SYNE2: variants seen among roughly 807,000 people sequenced by gnomAD.
The protein encoded by SYNE2 is nesprin-2.
In SYNE2, 431 loss-of-function variants were observed where a neutral mutation model predicts 856.3. That is an observed-to-expected ratio of 0.50 (90% CI 0.47 to 0.55). The LOEUF is 0.55. Ranked by LOEUF, SYNE2 falls within the 20% of genes least tolerant of loss-of-function variation. The pLI, the probability that SYNE2 is intolerant of heterozygous loss-of-function variation, is 0.00. For missense variants in SYNE2, 8,129 were observed against 8,023.2 expected (o/e 1.01, Z -0.50); for synonymous variants, 2,923 against 2,872.3 (o/e 1.02, Z -0.56).
chr14:64,080,418 C>T, intron 55 of SYNE2, 38 bp from the exon 56 acceptor site: 1 of 1,606,394 alleles, frequency 6.2e-7, no homozygotes, highest in Non-Finnish European at 8.5e-7. Context: ...TAAACTATGA[C>T]CTCTTCATTC....
At chr14:64,084,777 A>G in intron 57 of SYNE2, 1 of 552,044 alleles carries the variant, frequency 1.8e-6, no homozygotes. Context: ...TCTGTGGGTC[A>G]GGAGTCCATG....
At chr14:63,838,225 T>G (rs1488769973) in intron 1 of SYNE2, among the ~76,000 whole-genome samples, 2 of 151,974 alleles carry the variant, frequency 1.3e-5, no homozygotes, top group Non-Finnish European at 2.9e-5. Flanking sequence ...AAAAATTAGC[T>G]GGGCATGGTG....
At chr14:64,089,808 A>C in intron 59 of SYNE2, 112 bp downstream of exon 59, 1 of 916,680 alleles carries the variant, frequency 1.1e-6, no homozygotes, top group Non-Finnish European at 1.7e-6. Flanking sequence ...AGTAATAGCA[A>C]AATAAGGTTG....
At chr14:63,938,821 G>A (rs2095863477) in intron 2 of SYNE2, among the ~76,000 whole-genome samples, 2 of 152,194 alleles carry the variant, frequency 1.3e-5, no homozygotes, top group Admixed American at 6.5e-5. Flanking sequence ...ATCCGTGGAA[G>A]CACTTTAGGA....
At chr14:63,792,197 A>G (rs1380042572) in intron 1 of SYNE2, among the ~76,000 whole-genome samples, 1 of 152,206 alleles carries the variant, frequency 6.6e-6, no homozygotes, top group Non-Finnish European at 1.5e-5. Context: ...GTTCAATTAC[A>G]TGCTGTCCAT....
rs140032423 is a variant in SYNE2 at position 63,984,088 on chromosome 14, G to A, written c.2151+202G>A. Among the ~76,000 whole-genome samples the A allele has an allele frequency of 1.3e-3, 199 of 152,144 alleles. 2 individuals carry two copies. Among genetic ancestry groups the A allele is most frequent in the African/African-American group, 4.6e-3 (191 of 41,530 alleles). ...AAAACCCTGTCTATACCAAAAATACGAAAGATTAGCTGGACGTGTGTTTGT... is the reference window on the plus strand; with the variant it reads ...AAAACCCTGTCTATACCAAAAATACAAAAGATTAGCTGGACGTGTGTTTGT... On this transcript the variant is annotated intron_variant, in intron 18 of 115. Coordinates refer to ENST00000555002, the MANE Select transcript of SYNE2 (RefSeq NM_182914.3).
chr14:63,974,851 CATGTGTGTGTGTGT>C (rs1177346947), intron 11 of SYNE2, among the ~76,000 whole-genome samples: 3,406 of 52,478 alleles, frequency 0.065, 342 homozygotes, highest in African/African-American at 0.18. Context: ...TGTGTGTGTA[CATGTGTGTGTGTGT>C]GTGTGTGTGT....
intron 1 of SYNE2, among the ~76,000 whole-genome samples, chr14:63,798,668 A>G (rs1456463099): frequency 6.6e-6 from 1 of 152,118 alleles, no homozygotes; most frequent in Non-Finnish European, 1.5e-5. Context: ...TGCTGAGATT[A>G]CAGGCATGAG....
intron 21 of SYNE2, among the ~76,000 whole-genome samples, chr14:63,991,915 C>G (rs1390774362): frequency 6.6e-6 from 1 of 151,970 alleles, no homozygotes; most frequent in Non-Finnish European, 1.5e-5. Context: ...ATAGGAGTCT[C>G]TCTTCATTCT....
chr14:63,959,985 A>G (rs1239656656), intron 8 of SYNE2, among the ~76,000 whole-genome samples: 2 of 152,244 alleles, frequency 1.3e-5, no homozygotes, highest in African/African-American at 2.4e-5. Context: ...AAAAATGTGA[A>G]ATGCATCATG....
In SYNE2 at chr14:63,976,577, A is replaced by T; in HGVS notation, c.1143A>T (p.Lys381Asn). The T allele has an allele frequency of 6.2e-7, 1 of 1,610,626 alleles. No individual in the cohort carries two copies. Among genetic ancestry groups the T allele is most frequent in the Non-Finnish European group, 8.5e-7 (1 of 1,179,022 alleles). Residue 381 changes from lysine (K) to asparagine (N), a missense_variant, in exon 12 of 116, where the codon AAA (lysine) becomes AAT (asparagine). Physicochemically the swap from Lys to Asn is moderately conservative, Grantham distance 94 (BLOSUM62 0). Transcript: ENST00000555002. ...TTTTTTTTCAGATTAATGCATGGAA[A>T]ATAAAGCTAAATTATGCCTTGCCCC... ...DGLDHQINAWKIKLNYALPPP... is the reference protein window; with the variant it reads ...DGLDHQINAWNIKLNYALPPP...
chr14:64,028,255 A>G (rs1246141925), intron 43 of SYNE2, among the ~76,000 whole-genome samples: 1 of 151,628 alleles, frequency 6.6e-6, no homozygotes, highest in East Asian at 1.9e-4. Context: ...GATCCTGTTT[A>G]TTTATTTATT....
At chr14:63,997,816 C>T (rs1170906127) in intron 25 of SYNE2, among the ~76,000 whole-genome samples, 1 of 152,068 alleles carries the variant, frequency 6.6e-6, no homozygotes, top group Non-Finnish European at 1.5e-5. Context: ...TTCTAAATTC[C>T]TGAAGTCTAG....
chr14:63,997,361 A>C lies in SYNE2; in HGVS notation c.3213A>C (p.Ala1071=). Reference sequence around the variant, plus strand: ...ATCCCCACAGTGAGGCACCATTTGCAAAATCAGATAATCAGCCATCAACTG... The same window carrying C: ...ATCCCCACAGTGAGGCACCATTTGCCAAATCAGATAATCAGCCATCAACTG... ...GGDPHSEAPF[A]KSDNQPSTEK... is the part of the protein sequence containing the mutation. Residue 1071 remains alanine, a synonymous_variant, in exon 25 of 116, where the codon GCA becomes GCC. Transcript: ENST00000555002. The C allele has an allele frequency of 1.9e-6, 3 of 1,613,542 alleles. No individual in the cohort carries two copies. The highest frequency in any genetic ancestry group is 2.5e-6 in the Non-Finnish European group (3 of 1,179,804).
chr14:63,950,500 A>T (rs1231137109), intron 7 of SYNE2, among the ~76,000 whole-genome samples: 2 of 152,186 alleles, frequency 1.3e-5, no homozygotes, highest in Non-Finnish European at 2.9e-5. Flanking sequence ...GGTTGCGGTG[A>T]GCTGAGATCA....
rs140299005 is a variant in SYNE2, at chr14:63,776,115, C to T, written c.-305+14129C>T. Among the ~76,000 whole-genome samples, 49 of 152,210 alleles carry T rather than the reference C, an allele frequency of 3.2e-4. 1 individual carries two copies. In the East Asian group the frequency reaches 7.7e-3, roughly 24 times the overall value. On this transcript the variant is annotated intron_variant, in intron 1 of 23. Coordinates refer to the SYNE2 transcript ENST00000674003. The stretch of plus-strand genomic sequence containing the variant: ...TAGCAGATGATTAGTGAGTTCGATG[C>T]CACAATTAAAATGAAAATTCCTACT...
chr14:64,103,580 C>A (rs1311904011), intron 64 of SYNE2, among the ~76,000 whole-genome samples: 1 of 152,084 alleles, frequency 6.6e-6, no homozygotes, highest in Non-Finnish European at 1.5e-5. Flanking sequence ...CCAGGGCTGA[C>A]CCCTCCCCCT....
chr14:64,003,502 G>A (rs1362937216), intron 30 of SYNE2, among the ~76,000 whole-genome samples, 172 bp downstream of exon 30: 1 of 152,066 alleles, frequency 6.6e-6, no homozygotes, highest in Non-Finnish European at 1.5e-5. Flanking sequence ...CTTTTTGTTG[G>A]TATTGTACCT....
At chr14:63,780,026 ACT>A (rs1887251668) in intron 1 of SYNE2, among the ~76,000 whole-genome samples, 1 of 152,192 alleles carries the variant, frequency 6.6e-6, no homozygotes, top group Non-Finnish European at 1.5e-5. Context: ...ATCTATAATA[ACT>A]CTAGAATTAA....
Sources: allele counts gnomAD v4.1 joint callset (sites outside exome capture counted in the v4.1 genomes callset), GRCh38; gene constraint gnomAD v4.1.1; transcripts MANE v1.5; gene names NCBI Gene and HGNC (gene_info 2026-07-23, HGNC 2026-07-21).